Variants in C3orf49 observed in about 807,000 individuals in gnomAD.
C3orf49 encodes chromosome 3 open reading frame 49, also known as putative uncharacterized protein C3orf49.
A neutral mutation model predicts 13.3 loss-of-function variants in C3orf49; 27 were observed. That is an observed-to-expected ratio of 2.02 (90% CI 1.49 to 2.79). The LOEUF (loss-of-function observed/expected upper bound fraction) is 2.79, where lower values mean the gene tolerates loss of function less well. Ranked by LOEUF, C3orf49 falls within the 30% of genes most tolerant of loss-of-function variation. C3orf49 has a pLI of 0.00. For missense variants in C3orf49, 242 were observed against 134.2 expected, an observed-to-expected ratio of 1.80 and a Z score of -3.97; for synonymous variants, 87 against 47.6, an observed-to-expected ratio of 1.83 and a Z score of -3.40.
At chr3:63,817,294 TC>T (rs1701335440), upstream of C3orf49, among the ~76,000 whole-genome samples, 1 of 152,152 alleles carries the variant, frequency 6.6e-6, no homozygotes, top group Admixed American at 6.5e-5. Context: ...TTTACTTTTT[TC>T]ATAACATTTA....
At chr3:63,786,648 C>A in the C3orf49 span, among the ~76,000 whole-genome samples, 1 of 152,174 alleles carries the variant, frequency 6.6e-6, no homozygotes, top group Non-Finnish European at 1.5e-5. Context: ...GTTTTCTTAA[C>A]CTGTCTTTGA....
the C3orf49 span, among the ~76,000 whole-genome samples, chr3:63,797,467 G>T: frequency 1.3e-5 from 2 of 152,188 alleles, no homozygotes; most frequent in Middle Eastern, 3.4e-3. Flanking sequence ...TTTGCTGTGA[G>T]AACCCAGTAG....
At chr3:63,838,484 T>TAC in intron 5 of C3orf49, 1 of 1,607,020 alleles carries the variant, frequency 6.2e-7, no homozygotes, top group Non-Finnish European at 8.5e-7. Context: ...TCAGCATACG[T>TAC]TGGTACTGGC....
At chr3:63,826,399 G>A (rs1328834767) in intron 2 of C3orf49, among the ~76,000 whole-genome samples, 2 of 152,144 alleles carry the variant, frequency 1.3e-5, no homozygotes, top group Non-Finnish European at 2.9e-5. Context: ...GGAGAAATAA[G>A]CATAGGTAGA....
At chr3:63,780,401 G>T in the C3orf49 span, among the ~76,000 whole-genome samples, 1 of 152,108 alleles carries the variant, frequency 6.6e-6, no homozygotes, top group Non-Finnish European at 1.5e-5. Context: ...TGGACATTTG[G>T]GTTGGTTCCA....
intron 6 of C3orf49, among the ~76,000 whole-genome samples, chr3:63,847,496 G>A (rs1402468358): frequency 6.6e-6 from 1 of 152,202 alleles, no homozygotes; most frequent in African/African-American, 2.4e-5. Flanking sequence ...CCAGCACTTT[G>A]GGAGGCAGAG....
chr3:63,840,147 T>A (rs1701727371), intron 5 of C3orf49, among the ~76,000 whole-genome samples: 1 of 152,236 alleles, frequency 6.6e-6, no homozygotes, highest in East Asian at 1.9e-4. Flanking sequence ...AATAAGCCAA[T>A]AATTCATAGA....
the C3orf49 span, among the ~76,000 whole-genome samples, chr3:63,795,445 T>A: frequency 6.6e-6 from 1 of 152,154 alleles, no homozygotes; most frequent in Admixed American, 6.5e-5. Context: ...TTGCTGGTCC[T>A]TTTGTCCAAT....
At chr3:63,839,008 T>G (rs540650799) in intron 5 of C3orf49, among the ~76,000 whole-genome samples, 34 of 152,306 alleles carry the variant, frequency 2.2e-4, no homozygotes, top group African/African-American at 6.7e-4. Context: ...CTGGCCAACA[T>G]GGTGAAACCC....
At chr3:63,810,971 C>T in the C3orf49 span, among the ~76,000 whole-genome samples, 6 of 152,066 alleles carry the variant, frequency 3.9e-5, no homozygotes, top group East Asian at 3.9e-4. Flanking sequence ...CTCAGCCTTC[C>T]GAGTAGCTGG....
chr3:63,782,693 G>T, the C3orf49 span, among the ~76,000 whole-genome samples: 1 of 152,212 alleles, frequency 6.6e-6, no homozygotes, highest in African/African-American at 2.4e-5. Flanking sequence ...AGTTAGAAAT[G>T]GCTAACATTT....
chr3:63,797,993 T>C, the C3orf49 span, among the ~76,000 whole-genome samples: 1 of 152,188 alleles, frequency 6.6e-6, no homozygotes, highest in African/African-American at 2.4e-5. Context: ...TCATATTAGA[T>C]CAATCTTACA....
At chr3:63,836,721 A>G (rs1317688790) in intron 5 of C3orf49, among the ~76,000 whole-genome samples, 1 of 152,054 alleles carries the variant, frequency 6.6e-6, no homozygotes, top group Non-Finnish European at 1.5e-5. Context: ...AATAAAATAC[A>G]ATCAGTGAAT....
intron 5 of C3orf49, chr3:63,834,230 G>C (rs1411897944): frequency 6.2e-7 from 1 of 1,608,028 alleles, no homozygotes; most frequent in East Asian, 2.2e-5. Flanking sequence ...TAAAACCTTA[G>C]TCAAGTTTGC....
At chr3:63,839,657 C>G (rs1701715733) in intron 5 of C3orf49, 1 of 1,610,966 alleles carries the variant, frequency 6.2e-7, no homozygotes, top group Non-Finnish European at 8.5e-7. Context: ...ATGAAATACC[C>G]CTCTTCCTGG....
At chr3:63,839,832 AC>A in intron 5 of C3orf49, 1 of 1,335,190 alleles carries the variant, frequency 7.5e-7, no homozygotes, top group Non-Finnish European at 1.1e-6. Context: ...AGTACAAATA[AC>A]CAGTATCACT....
At chr3:63,828,492 G>A (rs573348426) in intron 3 of C3orf49, among the ~76,000 whole-genome samples, 69 of 152,188 alleles carry the variant, frequency 4.5e-4, no homozygotes, top group Non-Finnish European at 6.6e-4. Flanking sequence ...TAGAGACAGC[G>A]TTTCGCCATG....
At chr3:63,843,909 AAAAAC>A (rs528708067) in intron 5 of C3orf49, among the ~76,000 whole-genome samples, 17 of 152,274 alleles carry the variant, frequency 1.1e-4, no homozygotes, top group Non-Finnish European at 2.4e-4. Context: ...TCAGAAAAAA[AAAAAC>A]AAAACTGTGG....
At chr3:63,841,306 A>G (rs931015609) in intron 5 of C3orf49, among the ~76,000 whole-genome samples, 5 of 152,234 alleles carry the variant, frequency 3.3e-5, no homozygotes, top group Admixed American at 1.3e-4. Context: ...ATTTCTGGTA[A>G]GAGGGACTAC....
Sources: allele counts gnomAD v4.1 joint callset (sites outside exome capture counted in the v4.1 genomes callset), GRCh38; gene constraint gnomAD v4.1.1; transcripts MANE v1.5; gene names NCBI Gene and HGNC (gene_info 2026-07-23, HGNC 2026-07-21).